The following DCC variants were observed in gnomAD, a reference collection of about 807,000 sequenced individuals.
DCC encodes netrin receptor DCC.
DCC carries 58 observed loss-of-function variants against 172.5 expected under a neutral mutation model. That is an observed-to-expected ratio of 0.34 (90% CI 0.27 to 0.42). The LOEUF (loss-of-function observed/expected upper bound fraction) is 0.42. DCC is among the 10% of genes least tolerant of loss of function. The pLI, the probability that DCC is intolerant of heterozygous loss-of-function variation, is 1.00. For synonymous variants in DCC, 709 were observed against 644.5 expected (o/e 1.10, Z -1.52); for missense variants, 1,740 against 1,791.0 (o/e 0.97, Z 0.51).
chr18:52,879,412 C>CCTTTTTTTTTTTTTTTTTTTTTTTTTTT (rs2039447955), intron 2 of DCC, among the ~76,000 whole-genome samples: 9 of 62,324 alleles, frequency 1.4e-4, no homozygotes, highest in African/African-American at 6.2e-4. Flanking sequence ...TGTTGTTTGG[C>CCTTTTTTTTTTTTTTTTTTTTTTTTTTT]TTTTTTTTTT....
chr18:52,362,930 G>C (rs1984685157), intron 1 of DCC, among the ~76,000 whole-genome samples: 1 of 151,866 alleles, frequency 6.6e-6, no homozygotes, highest in Admixed American at 6.6e-5. Context: ...ACAGAGTCTT[G>C]CTCTGTCACC....
intron 13 of DCC, among the ~76,000 whole-genome samples, chr18:53,313,353 C>G (rs916900826): frequency 6.6e-6 from 1 of 152,120 alleles, no homozygotes; most frequent in Non-Finnish European, 1.5e-5. Context: ...ACAAGTGATT[C>G]TCCCACCTCA....
At chr18:53,323,423 T>C (rs1429416874) in intron 14 of DCC, among the ~76,000 whole-genome samples, 1 of 152,228 alleles carries the variant, frequency 6.6e-6, no homozygotes, top group East Asian at 1.9e-4. Flanking sequence ...TGCATATTAA[T>C]TCAAAGAATG....
At chr18:52,802,834 T>C (rs1292041711) in intron 2 of DCC, among the ~76,000 whole-genome samples, 1 of 151,506 alleles carries the variant, frequency 6.6e-6, no homozygotes, top group African/African-American at 2.4e-5. Flanking sequence ...TGATAGCCTA[T>C]TGTTGACCAG....
At chr18:52,385,638 T>A (rs1290185113) in intron 1 of DCC, among the ~76,000 whole-genome samples, 1 of 151,196 alleles carries the variant, frequency 6.6e-6, no homozygotes, top group East Asian at 2.0e-4. Context: ...ATAGTGGTAG[T>A]AGTGTTAGTA....
intron 12 of DCC, among the ~76,000 whole-genome samples, chr18:53,265,818 C>T (rs1188626188): frequency 6.6e-6 from 1 of 152,186 alleles, no homozygotes; most frequent in Non-Finnish European, 1.5e-5. Flanking sequence ...AACTCATGAT[C>T]TTTCTCATAA....
chr18:52,744,234 A>C lies in DCC; in HGVS notation c.92-7820A>C, dbSNP rs557399781. On this transcript the variant is annotated intron_variant, in intron 1 of 28. Transcript: ENST00000442544. ...TATACTAAATTTGTTTTTCATATGAAATTCTAATATAACTTGTGTCCTTAA... is the reference window on the plus strand; with the variant it reads ...TATACTAAATTTGTTTTTCATATGACATTCTAATATAACTTGTGTCCTTAA... Among the ~76,000 whole-genome samples the C allele has an allele frequency of 2.0e-5, 3 of 152,270 alleles. No homozygotes were observed. In the South Asian group the frequency reaches 6.2e-4, roughly 32 times the overall value.
chr18:52,516,692 G>T (rs1434654144), intron 1 of DCC, among the ~76,000 whole-genome samples: 2 of 152,096 alleles, frequency 1.3e-5, no homozygotes, highest in South Asian at 2.1e-4. Context: ...TACCTGAAAA[G>T]GTCATTATTG....
chr18:52,835,174 A>G (rs2038682939), intron 2 of DCC, among the ~76,000 whole-genome samples: 1 of 152,196 alleles, frequency 6.6e-6, no homozygotes, highest in South Asian at 2.1e-4. Context: ...GTGTTATTTA[A>G]CACAATGCCA....
intron 13 of DCC, among the ~76,000 whole-genome samples, chr18:53,314,184 GCC>G (rs2057317714): frequency 6.6e-6 from 1 of 152,090 alleles, no homozygotes; most frequent in South Asian, 2.1e-4. Flanking sequence ...TAGAAGCAGG[GCC>G]ACCTGAAACC....
At chr18:53,243,668 A>C (rs2056332073) in intron 12 of DCC, among the ~76,000 whole-genome samples, 1 of 152,144 alleles carries the variant, frequency 6.6e-6, no homozygotes, top group Non-Finnish European at 1.5e-5. Context: ...ATGCTGCTGA[A>C]CGCTTGGAAA....
intron 7 of DCC, among the ~76,000 whole-genome samples, chr18:53,118,993 C>T (rs2043445292): frequency 2.0e-5 from 3 of 151,704 alleles, no homozygotes; most frequent in Admixed American, 1.3e-4. Flanking sequence ...TTCCTCAAAC[C>T]CAACAAGGCA....
intron 9 of DCC, among the ~76,000 whole-genome samples, chr18:53,185,601 T>C (rs1162807202): frequency 6.6e-6 from 1 of 152,196 alleles, no homozygotes; most frequent in Non-Finnish European, 1.5e-5. Flanking sequence ...ATCTCACGAA[T>C]TCATATATGA....
intron 5 of DCC, among the ~76,000 whole-genome samples, chr18:53,041,110 G>GTGCCTATGTCCGGAATGGTAT: frequency 6.6e-6 from 1 of 150,870 alleles, no homozygotes; most frequent in East Asian, 2.0e-4. Context: ...GTCTTTGCCC[G>GTGCCTATGTCCGGAATGGTAT]TGCCTAGGTT....
chr18:53,299,673 A>G (rs1421221169), intron 12 of DCC, among the ~76,000 whole-genome samples: 1 of 152,218 alleles, frequency 6.6e-6, no homozygotes, highest in Non-Finnish European at 1.5e-5. Flanking sequence ...CATGTTTACC[A>G]CATCAAGAAT....
rs181421688 is a variant in DCC, at chr18:53,428,115, A to G, written c.3164-7029A>G. ...ATATAATATATAATATAATATAATA[A>G]TATATAATATATAATATAATATAAT... On this transcript the variant is annotated intron_variant, in intron 21 of 28. Coordinates refer to ENST00000442544, the MANE Select transcript of DCC (RefSeq NM_005215.4). 7.0e-3 allele frequency among the ~76,000 whole-genome samples: 86 copies of G among 12,322 alleles called. 4 individuals are homozygous for G. The highest frequency in any genetic ancestry group is 0.1 in the Middle Eastern group (1 of 10). The allele number at this position is 12,322 out of a possible 152,430, so 8.1% of individuals were successfully genotyped here.
intron 5 of DCC, among the ~76,000 whole-genome samples, chr18:53,005,733 CAG>C (rs1176768692): frequency 1.3e-5 from 2 of 152,228 alleles, no homozygotes; most frequent in East Asian, 1.9e-4. Context: ...GTCTCAAAAA[CAG>C]AGAAGAAAAG....
intron 1 of DCC, among the ~76,000 whole-genome samples, chr18:52,440,711 A>G (rs1358250073): frequency 2.0e-5 from 3 of 152,186 alleles, no homozygotes; most frequent in Non-Finnish European, 1.5e-5. Context: ...TTCATTTCAC[A>G]CTTTCTGAGC....
At chr18:52,725,971 CAG>C (rs1207747714) in intron 1 of DCC, among the ~76,000 whole-genome samples, 4 of 152,116 alleles carry the variant, frequency 2.6e-5, no homozygotes, top group African/African-American at 4.8e-5. Context: ...TTAGGGGAAA[CAG>C]AATGAACTGC....
Sources: gnomAD v4.1 joint callset for allele counts (sites outside exome capture counted in the v4.1 genomes callset) on GRCh38, gnomAD v4.1.1 for gene constraint, MANE v1.5 for transcripts, NCBI Gene and HGNC (gene_info 2026-07-23, HGNC 2026-07-21) for gene names.